The following SLC45A4 variants were observed in gnomAD, a reference collection of about 807,000 sequenced individuals.
SLC45A4 encodes the protein polyamine-transporter SLC45A4.
In SLC45A4, 32 loss-of-function variants were observed where a neutral mutation model predicts 63.7. The ratio of observed to expected loss-of-function variants is 0.50; its 90% CI spans 0.38 to 0.67. The LOEUF (loss-of-function observed/expected upper bound fraction) is 0.67. SLC45A4 is among the 30% of genes least tolerant of loss of function. The pLI, the probability that SLC45A4 is intolerant of heterozygous loss-of-function variation, is 0.00. For synonymous variants in SLC45A4, 535 were observed against 510.0 expected, an observed-to-expected ratio of 1.05 and a Z score of -0.66; for missense variants, 1,027 against 1,157.7, an observed-to-expected ratio of 0.89 and a Z score of 1.64.
intron 1 of SLC45A4, among the ~76,000 whole-genome samples, chr8:141,285,670 G>GA (rs1203793297): frequency 6.6e-6 from 1 of 152,222 alleles, no homozygotes; most frequent in Non-Finnish European, 1.5e-5. Context: ...GCCGCCCTGG[G>GA]ATAACGAGGA....
At chr8:141,267,302 G>A (rs1013284084) in intron 1 of SLC45A4, among the ~76,000 whole-genome samples, 2 of 152,274 alleles carry the variant, frequency 1.3e-5, no homozygotes, top group South Asian at 2.1e-4. Context: ...TGGGGCCTGC[G>A]TGGCTACACA....
At chr8:141,276,104 G>A (rs1407048043) in intron 1 of SLC45A4, among the ~76,000 whole-genome samples, 3 of 152,002 alleles carry the variant, frequency 2.0e-5, no homozygotes, top group Non-Finnish European at 4.4e-5. Context: ...ATCTCACTAT[G>A]CTGCACAGGC....
intron 1 of SLC45A4, among the ~76,000 whole-genome samples, chr8:141,305,722 G>A (rs1267536785): frequency 6.6e-6 from 1 of 152,172 alleles, no homozygotes; most frequent in African/African-American, 2.4e-5. Context: ...AAGAGCGGGA[G>A]AGGGCACTGG....
At chr8:141,253,660 T>C (rs1458757005) in intron 2 of SLC45A4, among the ~76,000 whole-genome samples, 1 of 152,230 alleles carries the variant, frequency 6.6e-6, no homozygotes, top group South Asian at 2.1e-4. Context: ...GCCTCGTTGT[T>C]CACTGTGGCC....
intron 2 of SLC45A4, among the ~76,000 whole-genome samples, chr8:141,246,055 T>A (rs1028663849): frequency 6.6e-6 from 1 of 152,246 alleles, no homozygotes; most frequent in Non-Finnish European, 1.5e-5. Flanking sequence ...TTGCTATTGC[T>A]TGATATTTCA....
At chr8:141,212,138 G>GGCC in intron 8 of SLC45A4, 59 bp downstream of exon 8, 4 of 664,734 alleles carry the variant, frequency 6.0e-6, no homozygotes, top group South Asian at 6.0e-5. Context: ...TGGCCCCGCC[G>GGCC]CCCGCCCGCC....
At position 141,246,202 on chromosome 8, in the gene SLC45A4, AG is replaced by A. The variant is rs200682265; in HGVS notation, c.241+7786del. On this transcript the variant is annotated intron_variant, in intron 2 of 8. Transcript: ENST00000517878. ...AATTCCAATGTACCCAAAGTTATAC[AG>A]GGGGAAGCAGTGCAAAGAGTCTGAC... Among the ~76,000 whole-genome samples the A allele has an allele frequency of 8.1e-3, 1,237 of 152,316 alleles. 15 individuals are homozygous for A. The highest frequency in any genetic ancestry group is 0.028 in the African/African-American group (1,166 of 41,566).
chr8:141,239,840 G>C (rs1312343854), intron 2 of SLC45A4, among the ~76,000 whole-genome samples: 1 of 152,190 alleles, frequency 6.6e-6, no homozygotes, highest in Non-Finnish European at 1.5e-5. Flanking sequence ...CTGAGGCCTG[G>C]TCATCTCTGC....
intron 6 of SLC45A4, among the ~76,000 whole-genome samples, chr8:141,216,682 C>T (rs763730465): frequency 2.3e-4 from 35 of 151,848 alleles, no homozygotes; most frequent in Non-Finnish European, 4.7e-4. Flanking sequence ...CGCTGCAGGA[C>T]GGAAGCCTGT....
chr8:141,238,395 G>A (rs1438621469), intron 2 of SLC45A4, among the ~76,000 whole-genome samples: 2 of 152,028 alleles, frequency 1.3e-5, no homozygotes, highest in Admixed American at 6.5e-5. Flanking sequence ...TTAGACTGCC[G>A]TGCAACCATC....
intron 1 of SLC45A4, among the ~76,000 whole-genome samples, chr8:141,303,304 GTTTTTT>G (rs375645569): frequency 1.6e-5 from 2 of 124,688 alleles, no homozygotes; most frequent in African/African-American, 3.1e-5. Flanking sequence ...GCTAATTTTT[GTTTTTT>G]TTTTTTTTTT....
At chr8:141,306,840 A>G (rs996119502) in intron 1 of SLC45A4, among the ~76,000 whole-genome samples, 2 of 152,230 alleles carry the variant, frequency 1.3e-5, no homozygotes, top group African/African-American at 4.8e-5. Flanking sequence ...ACCAGCCCAC[A>G]AGAATCATCT....
At chr8:141,298,834 A>G (rs780767725) in intron 1 of SLC45A4, among the ~76,000 whole-genome samples, 2 of 152,150 alleles carry the variant, frequency 1.3e-5, no homozygotes, top group Non-Finnish European at 2.9e-5. Flanking sequence ...AAGGTGCCTC[A>G]AAGTCGAATC....
At chr8:141,272,459 C>T (rs946949831) in intron 1 of SLC45A4, among the ~76,000 whole-genome samples, 3 of 152,194 alleles carry the variant, frequency 2.0e-5, no homozygotes, top group Non-Finnish European at 2.9e-5. Context: ...ACGGGAGGGT[C>T]GTGACTGGTT....
rs1277649968 is a variant in SLC45A4 at position 141,254,200 on chromosome 8, C to T, written c.30G>A (p.Pro10=). Residue 10 remains proline (P), a synonymous_variant, in exon 2 of 9, where the codon CCG becomes CCA. Coordinates refer to ENST00000517878, the MANE Select transcript of SLC45A4 (RefSeq NM_001286646.2). The surrounding 1 kb of genome is among the most constrained non-coding windows in gnomAD (Gnocchi z 4.5). MKMAPQNAD[P]ESMQVQELSV... The stretch of plus-strand genomic sequence containing the variant: ...ATAACTCTTGAACTTGCATAGATTC[C>T]GGGTCGGCATTCTGCGGAGCCATTT... 1.6e-5 allele frequency: 24 copies of T among 1,535,012 alleles called. No individual in the cohort carries two copies. In the East Asian group the frequency reaches 2.0e-4, roughly 13 times the overall value.
intron 2 of SLC45A4, among the ~76,000 whole-genome samples, chr8:141,247,640 G>C (rs1828280806): frequency 6.6e-6 from 1 of 152,200 alleles, no homozygotes; most frequent in Non-Finnish European, 1.5e-5. Flanking sequence ...TCGAACGCCT[G>C]AGTTCAAGCA....
chr8:141,265,435 G>A (rs11994732), intron 1 of SLC45A4, among the ~76,000 whole-genome samples: 2,977 of 152,310 alleles, frequency 0.02, 94 homozygotes, highest in African/African-American at 0.068. Context: ...CTCACACTGC[G>A]CGGGGGCAAT....
rs750137517 is a variant in SLC45A4 at position 141,253,975 on chromosome 8, GGGA to G, written c.241+11_241+13del. On this transcript the variant is annotated intron_variant, in intron 2 of 8. Transcript: ENST00000517878. ...GCTCAGCGTTCACTGCGCACAGACG[GGGA>G]GGAGACTTACCAATCTGCAACAGTA... is the stretch of plus-strand genomic sequence containing the variant. 11 of 1,535,894 alleles carry G rather than the reference GGGA, an allele frequency of 7.2e-6. No homozygotes were observed. The highest frequency in any genetic ancestry group is 4.9e-5 in the East Asian group (2 of 40,908).
chr8:141,225,477 C>CACCTTCCT (rs1166316916), intron 2 of SLC45A4: 1 of 152,498 alleles, frequency 6.6e-6, no homozygotes, highest in Non-Finnish European at 1.5e-5. Context: ...TTCCAGCCAT[C>CACCTTCCT]ACCTTCCTAC....
Sources: allele counts gnomAD v4.1 joint callset (sites outside exome capture counted in the v4.1 genomes callset), GRCh38; gene constraint gnomAD v4.1.1; non-coding constraint Gnocchi (gnomAD v3.1); transcripts MANE v1.5; gene names NCBI Gene and HGNC (gene_info 2026-07-23, HGNC 2026-07-21).